The following TPO variants were observed in gnomAD, a reference collection of about 807,000 sequenced individuals.
TPO encodes thyroid microsomal antigen.
Under a neutral mutation model 96.9 loss-of-function variants are expected in TPO, and 78 were observed. The ratio of observed to expected loss-of-function variants is 0.81; its 90% CI spans 0.67 to 0.97. The LOEUF (loss-of-function observed/expected upper bound fraction) is 0.97. TPO is among the 50% of genes least tolerant of loss of function. The pLI, the probability that TPO is intolerant of heterozygous loss-of-function variation, is 0.00. For synonymous variants in TPO, 547 were observed against 538.0 expected, an observed-to-expected ratio of 1.02 and a Z score of -0.23; for missense variants, 1,252 against 1,274.8, an observed-to-expected ratio of 0.98 and a Z score of 0.27.
At chr2:1,508,832 A>G (rs1673761272) in intron 14 of TPO, among the ~76,000 whole-genome samples, 1 of 152,104 alleles carries the variant, frequency 6.6e-6, no homozygotes, top group African/African-American at 2.4e-5. Context: ...TTTTCAAAAA[A>G]CCAGCTCCTG....
chr2:1,530,976 ATGTGCAACCTCCTCAAATCCCTCCACTC>A (rs1558423826), intron 15 of TPO, among the ~76,000 whole-genome samples: 13 of 63,282 alleles, frequency 2.1e-4, no homozygotes, highest in African/African-American at 6.9e-4. Flanking sequence ...TCCCCCCAGT[ATGTGCAACCTCCTCAAATCCCTCCACTC>A]TGTGCAACCT....
chr2:1,506,136 G>C (rs1673437564), intron 14 of TPO, among the ~76,000 whole-genome samples: 1 of 151,906 alleles, frequency 6.6e-6, no homozygotes, highest in Admixed American at 6.6e-5. Flanking sequence ...AACATGCGGT[G>C]TTTGGTTTTT....
chr2:1,535,009 G>A (rs77672019), intron 15 of TPO, among the ~76,000 whole-genome samples: 2 of 15,378 alleles, frequency 1.3e-4, no homozygotes, highest in African/African-American at 2.4e-4. Context: ...CTAAATCGCC[G>A]CAAGTGTGTA....
At chr2:1,540,973 C>A in intron 16 of TPO, 1 of 1,468,122 alleles carries the variant, frequency 6.8e-7, no homozygotes. Flanking sequence ...TAAGGGCTCA[C>A]TTTCAGGCGT....
intron 15 of TPO, among the ~76,000 whole-genome samples, chr2:1,528,283 G>A (rs1241418485): frequency 9.6e-6 from 1 of 104,542 alleles, no homozygotes; most frequent in East Asian, 3.5e-4. Context: ...CCCCCACAGT[G>A]AGCAAAAACA....
intron 7 of TPO, among the ~76,000 whole-genome samples, chr2:1,472,723 C>A (rs557789801): frequency 6.6e-6 from 1 of 151,606 alleles, no homozygotes; most frequent in East Asian, 2.0e-4. Context: ...TCTAAAAATT[C>A]TGTGACCCTC....
chr2:1,512,224 G>C (rs756395120), intron 14 of TPO, among the ~76,000 whole-genome samples: 3 of 152,296 alleles, frequency 2.0e-5, no homozygotes, highest in Non-Finnish European at 4.4e-5. Context: ...ATTTTTAGTA[G>C]AGACGGGGTT....
At chr2:1,483,020 G>A (rs1478404005) in intron 8 of TPO, among the ~76,000 whole-genome samples, 1 of 152,184 alleles carries the variant, frequency 6.6e-6, no homozygotes, top group African/African-American at 2.4e-5. Flanking sequence ...CAGAACAATG[G>A]GTGCTTCTGC....
At chr2:1,422,591 G>A (rs946738600) in intron 2 of TPO, among the ~76,000 whole-genome samples, 2 of 152,178 alleles carry the variant, frequency 1.3e-5, no homozygotes, top group African/African-American at 4.8e-5. Context: ...CCAGAAATGG[G>A]ATCTTAACCT....
At chr2:1,501,893 A>G (rs1008098591) in intron 13 of TPO, among the ~76,000 whole-genome samples, 2 of 152,084 alleles carry the variant, frequency 1.3e-5, no homozygotes, top group Admixed American at 1.3e-4. Flanking sequence ...GCTTGGAGCC[A>G]TCCACTTTGT....
At position 1,393,525 on chromosome 2, in the gene TPO, G is replaced by A. The variant is rs150422494; in HGVS notation, n.180+19123G>A. Among the ~76,000 whole-genome samples, 780 of 152,318 alleles carry A rather than the reference G, an allele frequency of 5.1e-3. 7 individuals carry two copies. The highest frequency in any genetic ancestry group is 0.018 in the African/African-American group (739 of 41,560). On this transcript the variant is annotated intron_variant and non_coding_transcript_variant, in intron 1 of 5. Transcript: ENST00000497517. ...TCAGGTGGGGGACCCTTGTGCCCAA[G>A]GACACCCTGTGAACCTGCTGATATC...
intron 1 of TPO, among the ~76,000 whole-genome samples, chr2:1,396,308 G>C (rs1320439812): frequency 6.6e-6 from 1 of 152,200 alleles, no homozygotes; most frequent in Admixed American, 6.5e-5. Context: ...TAGACCAAGA[G>C]CAAACCACAT....
intron 1 of TPO, among the ~76,000 whole-genome samples, chr2:1,398,238 C>T (rs917909150): frequency 6.6e-6 from 1 of 152,208 alleles, no homozygotes; most frequent in Non-Finnish European, 1.5e-5. Context: ...CAGATGCCTG[C>T]TGGCACCCAG....
At chr2:1,417,116 C>T (rs1160079279) in intron 2 of TPO, among the ~76,000 whole-genome samples, 1 of 152,284 alleles carries the variant, frequency 6.6e-6, no homozygotes, top group Non-Finnish European at 1.5e-5. Flanking sequence ...AACCAACACA[C>T]ATCCTCATAC....
intron 15 of TPO, among the ~76,000 whole-genome samples, chr2:1,523,137 C>CACT (rs1675552066): frequency 7.3e-6 from 1 of 137,110 alleles, no homozygotes; most frequent in African/African-American, 2.8e-5. Flanking sequence ...TCCGCCCCAC[C>CACT]CTGTGCATCC....
chr2:1,401,160 G>A (rs2148374056), intron 1 of TPO, among the ~76,000 whole-genome samples: 1 of 152,308 alleles, frequency 6.6e-6, no homozygotes, highest in African/African-American at 2.4e-5. Flanking sequence ...TGAGCTGTAG[G>A]CAGCGTGCAC....
At chr2:1,425,427 C>G (rs1664255280) in intron 3 of TPO, among the ~76,000 whole-genome samples, 1 of 151,930 alleles carries the variant, frequency 6.6e-6, no homozygotes, top group Non-Finnish European at 1.5e-5. Flanking sequence ...CGTGCCCCTT[C>G]TGTAAAGTCA....
At chr2:1,469,475 C>G (rs1335795336) in intron 7 of TPO, among the ~76,000 whole-genome samples, 1 of 152,144 alleles carries the variant, frequency 6.6e-6, no homozygotes, top group Non-Finnish European at 1.5e-5. Context: ...TTATTGTTAT[C>G]TCTCTTCTGG....
At chr2:1,539,625 G>A (rs1405880233) in intron 15 of TPO, among the ~76,000 whole-genome samples, 1 of 152,192 alleles carries the variant, frequency 6.6e-6, no homozygotes, top group Non-Finnish European at 1.5e-5. Flanking sequence ...GCTATGCGGA[G>A]GGCGCTGTGG....
Sources: gnomAD v4.1 joint callset for allele counts (sites outside exome capture counted in the v4.1 genomes callset) on GRCh38, gnomAD v4.1.1 for gene constraint, MANE v1.5 for transcripts, NCBI Gene and HGNC (gene_info 2026-07-23, HGNC 2026-07-21) for gene names.